AMZ2: variants seen among roughly 807,000 people sequenced by gnomAD.
The protein encoded by AMZ2 is archaelysin family metallopeptidase 2, also known as archaemetzincin-2.
Under a neutral mutation model 36.7 loss-of-function variants are expected in AMZ2, and 26 were observed. The ratio of observed to expected loss-of-function variants is 0.71; its 90% CI spans 0.52 to 0.98. The LOEUF (loss-of-function observed/expected upper bound fraction) is 0.98. AMZ2 is among the 50% of genes least tolerant of loss of function. The probability of loss-of-function intolerance (pLI) is 0.00; values close to 1 mark genes in which losing one functional copy is unlikely to be tolerated. For synonymous variants in AMZ2, 144 were observed against 149.1 expected, an observed-to-expected ratio of 0.97 and a Z score of 0.25; for missense variants, 394 against 430.5, an observed-to-expected ratio of 0.92 and a Z score of 0.75.
chr17:68,213,248 G>T (rs1160054368), intron 1 of AMZ2, among the ~76,000 whole-genome samples: 1 of 152,228 alleles, frequency 6.6e-6, no homozygotes, highest in Non-Finnish European at 1.5e-5. Flanking sequence ...ATGAAAAATG[G>T]ACTGCCTGGC....
rs782440317 is a variant in AMZ2 at position 68,250,174 on chromosome 17, C to CT, written c.1-6dup. The CT allele has an allele frequency of 6.9e-6, 11 of 1,602,642 alleles. No individual in the cohort carries two copies. The Admixed American group carries it at 1.2e-4, about 18-fold the overall frequency. On this transcript the variant is annotated splice_polypyrimidine_tract_variant and intron_variant, in intron 1 of 6. Transcript: ENST00000359904. ...ATGTATTTTTATATTTGATTACTTG[C>CT]TTTTTTTTGTTAGATGCAAATAATA...
intron 1 of AMZ2, among the ~76,000 whole-genome samples, chr17:68,230,112 G>T (rs148703087): frequency 2.0e-5 from 3 of 151,964 alleles, no homozygotes; most frequent in Non-Finnish European, 4.4e-5. Context: ...CCCTCTTGTC[G>T]TCCAGGTTGG....
Position 68,255,559 on chromosome 17 carries a change from T to C in AMZ2, c.751-141T>C, listed in dbSNP as rs1320783279. The stretch of plus-strand genomic sequence containing the variant: ...GGGAAATGAGGGATTATTAAGTCTT[T>C]GAAGGTCTGGACAGGGTGAAGTTTT... On this transcript the variant is annotated intron_variant, in intron 5 of 6. Coordinates refer to ENST00000359904, the MANE Select transcript of AMZ2 (RefSeq NM_016627.5). 4 of 820,096 alleles carry C rather than the reference T, an allele frequency of 4.9e-6. No homozygotes were observed. In the East Asian group the frequency reaches 7.7e-5, roughly 16 times the overall value. 50.8% of individuals were successfully genotyped at this position (820,096 alleles called of 1,614,324 possible). A position where few individuals can be genotyped will look rare whatever the true frequency, so the allele number is the denominator to read the frequency against.
upstream of AMZ2, among the ~76,000 whole-genome samples, chr17:68,246,195 C>CAAAAAAAAAAAAAA (rs57477453): frequency 4.8e-5 from 4 of 83,826 alleles, no homozygotes; most frequent in East Asian, 3.9e-4. Context: ...ACTAAAAATA[C>CAAAAAAAAAAAAAA]AAAAAAAAAA....
upstream of AMZ2, chr17:68,247,038 T>C (rs2074047616): frequency 6.9e-6 from 1 of 144,818 alleles, no homozygotes; most frequent in African/African-American, 2.6e-5. Flanking sequence ...TGAAAACCCG[T>C]ATTAAAAAAA....
Position 68,236,770 on chromosome 17 carries a change from G to A in AMZ2, c.-66-11870G>A, listed in dbSNP as rs139928793. ...TTTTTATATATATTTTAGTAGAGAC[G>A]GGTTTCACCATGTTGGCCAGGCTGG... On this transcript the variant is annotated intron_variant, in intron 1 of 7. Transcript: ENST00000674770. Among the ~76,000 whole-genome samples, 415 of 151,596 alleles carry A rather than the reference G, an allele frequency of 2.7e-3. 11 individuals are homozygous for A. The East Asian group carries it at 0.043, about 16-fold the overall frequency.
upstream of AMZ2, among the ~76,000 whole-genome samples, chr17:68,245,882 A>G (rs1555735176): frequency 6.6e-6 from 1 of 152,192 alleles, no homozygotes; most frequent in East Asian, 1.9e-4. Context: ...TTTTGTCATG[A>G]GGCAGGATGA....
chr17:68,213,965 AT>A (rs1276089636), intron 1 of AMZ2, among the ~76,000 whole-genome samples: 5 of 151,780 alleles, frequency 3.3e-5, no homozygotes, highest in African/African-American at 1.2e-4. Flanking sequence ...CTTTAAAAAA[AT>A]TAGTAAAATC....
chr17:68,206,651 G>C (rs1186450218), intron 1 of AMZ2: 1 of 152,174 alleles, frequency 6.6e-6, no homozygotes, highest in Non-Finnish European at 1.5e-5. Flanking sequence ...AAACCTCTTT[G>C]CATTTCTAAT....
Position 68,253,535 on chromosome 17 carries a change from AAT to A in AMZ2, c.587-867_587-866del, listed in dbSNP as rs2074650482. On this transcript the variant is annotated intron_variant, in intron 4 of 6. Coordinates refer to ENST00000359904, the MANE Select transcript of AMZ2 (RefSeq NM_016627.5). ...TCTGGTCACCAGACACTAGTGACAGAATAGAGTTGAGCTGTTCTTTGAAAAGG... is the reference window on the plus strand; with the variant it reads ...TCTGGTCACCAGACACTAGTGACAGAAGAGTTGAGCTGTTCTTTGAAAAGG... Among the ~76,000 whole-genome samples the A allele has an allele frequency of 2.6e-5, 4 of 152,298 alleles. No individual in the cohort carries two copies. In the South Asian group the frequency reaches 8.3e-4, roughly 32 times the overall value.
rs1314957217 is a variant in AMZ2, at chr17:68,250,790, G to A, written c.284-4G>A. 5 of 1,565,186 alleles carry A rather than the reference G, an allele frequency of 3.2e-6. No individual in the cohort carries two copies. The African/African-American group carries it at 6.9e-5, about 22-fold the overall frequency. ...CTGTTTTTAAATGTTCTTCCATATT[G>A]TAGGCTCTCTAGGAAACACCAGAAT... On this transcript the variant is annotated splice_polypyrimidine_tract_variant and splice_region_variant and intron_variant, in intron 2 of 6. Transcript: ENST00000359904.
rs2073761553 is a variant in AMZ2 at position 68,235,351 on chromosome 17, C to T, written c.-66-13289C>T. Among the ~76,000 whole-genome samples, 1 of 152,038 alleles carries T rather than the reference C, an allele frequency of 6.6e-6. No individual in the cohort carries two copies. The highest frequency in any genetic ancestry group is 1.5e-5 in the Non-Finnish European group (1 of 67,940). On this transcript the variant is annotated intron_variant, in intron 1 of 7. Coordinates refer to the AMZ2 transcript ENST00000674770. This position sits in a 1 kb window ranked among gnomAD's most constrained non-coding sequence, Gnocchi z 4.2. ...GTTCCCATGTCTTATTTAATTCTCTCATTAAGCCTGTGGGCCAGAGGTTCT... is the reference window on the plus strand; with the variant it reads ...GTTCCCATGTCTTATTTAATTCTCTTATTAAGCCTGTGGGCCAGAGGTTCT...
upstream of AMZ2, among the ~76,000 whole-genome samples, chr17:68,244,974 C>G (rs373200758): frequency 1.2e-4 from 18 of 151,926 alleles, no homozygotes; most frequent in African/African-American, 4.3e-4. Context: ...ATTTTAAAAC[C>G]CTTCATCTGC....
At chr17:68,219,297 C>T (rs1160412082) in intron 1 of AMZ2, among the ~76,000 whole-genome samples, 1 of 152,150 alleles carries the variant, frequency 6.6e-6, no homozygotes, top group Non-Finnish European at 1.5e-5. Context: ...CCTTCCCTTC[C>T]AGCTTCCTCC....
chr17:68,230,898 G>A (rs868984986), intron 1 of AMZ2, among the ~76,000 whole-genome samples: 1 of 152,144 alleles, frequency 6.6e-6, no homozygotes, highest in Admixed American at 6.5e-5. Flanking sequence ...GCAGATTGAG[G>A]TTGAAAGCCT....
upstream of AMZ2, chr17:68,247,336 C>CA (rs71142158): frequency 0.034 from 2,533 of 75,596 alleles, 4 homozygotes; most frequent in Non-Finnish European, 0.043. Context: ...ACTCCGTCTC[C>CA]AAAAAAAAAA....
At chr17:68,209,621 TATATATA>T (rs2072966980) in intron 1 of AMZ2, among the ~76,000 whole-genome samples, 1 of 99,550 alleles carries the variant, frequency 1.0e-5, no homozygotes, top group South Asian at 3.7e-4. Context: ...TATATATATA[TATATATA>T]TATATTTTTT....
Position 68,248,577 on chromosome 17 carries a change from C to T in AMZ2, c.-129C>T. The T allele has an allele frequency of 1.0e-6, 1 of 986,022 alleles. No homozygotes were observed. Among genetic ancestry groups the T allele is most frequent in the Non-Finnish European group, 1.2e-6 (1 of 830,018 alleles). The allele number at this position is 986,022 out of a possible 1,614,324, so 61.1% of individuals were successfully genotyped here. On this transcript the variant is annotated 5_prime_UTR_variant, in exon 1 of 7. Transcript: ENST00000359904. Reference sequence around the variant, plus strand: ...AGGCTTGGGAGGCAAGAGGAGGCCTCCTGACCTTTCACACTGCCTTTTTAA... The same window carrying T: ...AGGCTTGGGAGGCAAGAGGAGGCCTTCTGACCTTTCACACTGCCTTTTTAA...
intron 1 of AMZ2, among the ~76,000 whole-genome samples, chr17:68,210,552 C>T (rs1336753245): frequency 6.6e-6 from 1 of 152,118 alleles, no homozygotes; most frequent in Admixed American, 6.6e-5. Context: ...GGAGTTAGTG[C>T]TTAATAGGTA....
Sources: allele counts gnomAD v4.1 joint callset (sites outside exome capture counted in the v4.1 genomes callset), GRCh38; gene constraint gnomAD v4.1.1; non-coding constraint Gnocchi (gnomAD v3.1); transcripts MANE v1.5; gene names NCBI Gene and HGNC (gene_info 2026-07-23, HGNC 2026-07-21).